The following KIAA1549 variants were observed in gnomAD, a reference collection of about 807,000 sequenced individuals.
KIAA1549 encodes the protein KIAA1549, also known as UPF0606 protein KIAA1549.
In KIAA1549, 70 loss-of-function variants were observed where a neutral mutation model predicts 156.4. That is an observed-to-expected ratio of 0.45 (90% CI 0.37 to 0.55). The LOEUF (loss-of-function observed/expected upper bound fraction) is 0.55, where lower values mean the gene tolerates loss of function less well. Ranked by LOEUF, KIAA1549 falls within the 20% of genes least tolerant of loss-of-function variation. The pLI is 0.00. For missense variants in KIAA1549, 2,428 were observed against 2,540.9 expected, an observed-to-expected ratio of 0.96 and a Z score of 0.96; for synonymous variants, 1,103 against 1,066.4, an observed-to-expected ratio of 1.03 and a Z score of -0.67.
In KIAA1549 at chr7:138,833,455, A is replaced by G. The variant is rs938490695; in HGVS notation, c.*4451T>C. ...AAACGGGAGACTCCTATAGCACAGA[A>G]CCGCGTGCTGGCTTTAGCCCAAAGC... On this transcript the variant is annotated 3_prime_UTR_variant, in exon 20 of 20. Coordinates refer to ENST00000422774, the MANE Select transcript of KIAA1549 (RefSeq NM_001164665.2). 1 of 232,628 alleles carries G rather than the reference A, an allele frequency of 4.3e-6. No homozygotes were observed. Among genetic ancestry groups the G allele is most frequent in the Non-Finnish European group, 8.5e-6 (1 of 117,740 alleles). The allele number at this position is 232,628 out of a possible 1,614,324, so 14.4% of individuals were successfully genotyped here. A position where few individuals can be genotyped will look rare whatever the true frequency, so the allele number is the denominator to read the frequency against.
In KIAA1549 at chr7:138,847,803, G is replaced by A. The variant is rs1436068574; in HGVS notation, c.5295-3329C>T. Among the ~76,000 whole-genome samples the A allele has an allele frequency of 3.3e-4, 50 of 152,202 alleles. 1 individual carries two copies. The highest frequency in any genetic ancestry group is 3.1e-3 in the Admixed American group (48 of 15,288). Reference sequence around the variant, plus strand: ...AAGGAATTACTGGGATTCTGAATGGGATTGCATTGAATCTACAAATCACAT... The same window carrying A: ...AAGGAATTACTGGGATTCTGAATGGAATTGCATTGAATCTACAAATCACAT... On this transcript the variant is annotated intron_variant, in intron 17 of 19. Coordinates refer to ENST00000422774, the MANE Select transcript of KIAA1549 (RefSeq NM_001164665.2).
chr7:138,918,291 C>T lies in KIAA1549; in HGVS notation c.1335G>A (p.Gly445=), dbSNP rs773100687. Residue 445 remains glycine (G), a synonymous_variant, in exon 2 of 20, where the codon GGG becomes GGA. Coordinates refer to ENST00000422774, the MANE Select transcript of KIAA1549 (RefSeq NM_001164665.2). This position sits in a 1 kb window ranked among gnomAD's most constrained non-coding sequence, Gnocchi z 4.2. ...TSLMEKDVGS[G]DGAETLCMTV... Reference sequence around the variant, plus strand: ...TCATGCACAGAGTCTCGGCACCATCCCCTGATCCCACGTCTTTCTCCATGA... The same window carrying T: ...TCATGCACAGAGTCTCGGCACCATCTCCTGATCCCACGTCTTTCTCCATGA... The T allele has an allele frequency of 3.1e-6, 5 of 1,613,886 alleles. No homozygotes were observed. The East Asian group carries it at 1.1e-4, about 36-fold the overall frequency.
At position 138,907,042 on chromosome 7, in the gene KIAA1549, T is replaced by C. The variant is rs779140749; in HGVS notation, c.3337A>G (p.Ile1113Val). 1.2e-6 allele frequency: 2 copies of C among 1,613,364 alleles called. No homozygotes were observed. Among genetic ancestry groups the C allele is most frequent in the South Asian group, 1.1e-5 (1 of 90,984 alleles). Reference protein sequence around the residue: ...VTPRRGPVNIIFAVKSTQGFL... With the variant: ...VTPRRGPVNIVFAVKSTQGFL... ...CCCTGTGTGCTTTTAACCGCAAAGA[T>C]GATATTCACCGGGCCCCGCCGAGGA... The change falls in exon 6 of 20, where the codon ATC becomes GTC. Residue 1113 changes from isoleucine to valine, a missense_variant. By Grantham distance (29) the Ile-to-Val change is conservative (BLOSUM62 3). Transcript: ENST00000422774.
chr7:138,846,548 A>G (rs1053418499), intron 17 of KIAA1549, among the ~76,000 whole-genome samples: 9 of 151,374 alleles, frequency 5.9e-5, no homozygotes, highest in East Asian at 1.9e-4. Flanking sequence ...AAAAAAAAAA[A>G]AAAAAAAAAG....
Position 138,981,213 on chromosome 7 carries a change from G to A in KIAA1549, c.57C>T (p.Ala19=). Residue 19 remains alanine, a synonymous_variant, in exon 1 of 20, where the codon GCC becomes GCT. Coordinates refer to ENST00000422774, the MANE Select transcript of KIAA1549 (RefSeq NM_001164665.2). The surrounding 1 kb of genome is among the most constrained non-coding windows in gnomAD (Gnocchi z 4.5). ...TCGGCCCCGGGGCCAGCGCGACCCCGGCGCGGGGCTTCCCCTCCATGGCCG... is the reference window on the plus strand; with the variant it reads ...TCGGCCCCGGGGCCAGCGCGACCCCAGCGCGGGGCTTCCCCTCCATGGCCG... ...RGAAMEGKPR[A]GVALAPGPSG... is the part of the protein sequence containing the mutation. 9.9e-7 allele frequency: 1 copy of A among 1,012,350 alleles called. No homozygotes were observed. The highest frequency in any genetic ancestry group is 1.2e-6 in the Non-Finnish European group (1 of 848,412). The allele number at this position is 1,012,350 out of a possible 1,614,324, so 62.7% of individuals were successfully genotyped here. A position where few individuals can be genotyped will look rare whatever the true frequency, so the allele number is the denominator to read the frequency against.
chr7:138,919,507 G>C (rs1256037889), intron 1 of KIAA1549, 69 bp from the exon 2 acceptor site: 5 of 1,538,094 alleles, frequency 3.3e-6, no homozygotes, highest in Non-Finnish European at 4.4e-6. Flanking sequence ...TTTGTTTCAG[G>C]CATGAGAATT....
At chr7:138,908,136 T>A (rs1031628864) in intron 5 of KIAA1549, among the ~76,000 whole-genome samples, 1 of 152,130 alleles carries the variant, frequency 6.6e-6, no homozygotes, top group Admixed American at 6.5e-5. Context: ...AACTTGGTTC[T>A]TCATTCCTAA....
At chr7:138,839,654 C>T (rs910922334) in intron 19 of KIAA1549, among the ~76,000 whole-genome samples, 1 of 151,864 alleles carries the variant, frequency 6.6e-6, no homozygotes, top group African/African-American at 2.4e-5. Flanking sequence ...AAGCTAGATG[C>T]TAAAAACTGT....
intron 1 of KIAA1549, among the ~76,000 whole-genome samples, chr7:138,974,405 T>C (rs1359518813): frequency 6.6e-6 from 1 of 151,938 alleles, no homozygotes; most frequent in African/African-American, 2.4e-5. Flanking sequence ...CAGCAGCTAT[T>C]TACCAACTGC....
chr7:138,963,371 T>TA (rs1813911875), intron 1 of KIAA1549, among the ~76,000 whole-genome samples: 1 of 152,198 alleles, frequency 6.6e-6, no homozygotes, highest in African/African-American at 2.4e-5. Flanking sequence ...ACAGCACTGC[T>TA]GGTTTACCCA....
At chr7:138,967,085 T>G (rs187238531) in intron 1 of KIAA1549, among the ~76,000 whole-genome samples, 1 of 152,088 alleles carries the variant, frequency 6.6e-6, no homozygotes, top group African/African-American at 2.4e-5. Flanking sequence ...GAGTAACACA[T>G]GATATCATTA....
intron 8 of KIAA1549, among the ~76,000 whole-genome samples, chr7:138,900,524 C>T (rs1811811922): frequency 1.3e-5 from 2 of 152,316 alleles, no homozygotes; most frequent in South Asian, 4.1e-4. Context: ...GTGATACCCA[C>T]CTTGATTAAA....
rs1259506725 is a variant in KIAA1549, at chr7:138,981,265, G to A, written c.5C>T (p.Pro2Leu). The A allele has an allele frequency of 1.7e-5, 17 of 979,254 alleles. No individual in the cohort carries two copies. The South Asian group carries it at 5.5e-4, about 32-fold the overall frequency. The allele number at this position is 979,254 out of a possible 1,614,324, so 60.7% of individuals were successfully genotyped here. A position where few individuals can be genotyped will look rare whatever the true frequency, so the allele number is the denominator to read the frequency against. Residue 2 changes from proline to leucine, a missense_variant, in exon 1 of 20, where the codon CCG becomes CTG. Physicochemically the swap from Pro to Leu is moderately conservative, Grantham distance 98. This residue lies in a region of KIAA1549 where 893 missense variants were observed against 847.9 expected (regional missense o/e 1.05). Coordinates refer to ENST00000422774, the MANE Select transcript of KIAA1549 (RefSeq NM_001164665.2). This position sits in a 1 kb window ranked among gnomAD's most constrained non-coding sequence, Gnocchi z 4.5. ...GCCTCGGCGTCGGCGCCGCGCCCCC[G>A]GCATTCCCGGCCGGCGCCCCGGCCC... M[P>L]GARRRRRGAA...
chr7:138,885,523 T>C (rs1811365540), intron 10 of KIAA1549, among the ~76,000 whole-genome samples: 1 of 152,166 alleles, frequency 6.6e-6, no homozygotes, highest in Non-Finnish European at 1.5e-5. Flanking sequence ...TGGCTTTCTT[T>C]ACCTGCAGCT....
At chr7:138,849,690 A>G (rs1554409897) in intron 17 of KIAA1549, among the ~76,000 whole-genome samples, 2 of 151,510 alleles carry the variant, frequency 1.3e-5, no homozygotes, top group Non-Finnish European at 2.9e-5. Context: ...CCCAATAGTT[A>G]TTTTTTCTGC....
intron 10 of KIAA1549, among the ~76,000 whole-genome samples, chr7:138,888,387 T>C (rs1454447501): frequency 6.6e-6 from 1 of 152,248 alleles, no homozygotes; most frequent in Non-Finnish European, 1.5e-5. Context: ...GATTGATTAC[T>C]GGATACTGCA....
rs368176243 is a variant in KIAA1549 at position 138,917,890 on chromosome 7, G to A, written c.1736C>T (p.Pro579Leu). 27 of 1,603,062 alleles carry A rather than the reference G, an allele frequency of 1.7e-5. No homozygotes were observed. Among genetic ancestry groups the A allele is most frequent in the Middle Eastern group, 1.6e-4 (1 of 6,078 alleles). Residue 579 changes from proline to leucine, a missense_variant, in exon 2 of 20, where the codon CCG (proline) becomes CTG (leucine). Around this residue, in one of 5 missense-constraint regions of KIAA1549, gnomAD observed 893 missense variants for 847.9 expected, o/e 1.05. Coordinates refer to ENST00000422774, the MANE Select transcript of KIAA1549 (RefSeq NM_001164665.2). ...SFSVIANKNT[P>L]SLAVRDPSVF... ...ACTCGGGTCTCTGACGGCAAGCGACGGTGTGTTTTTGTTTGCTATGACAGA... is the reference window on the plus strand; with the variant it reads ...ACTCGGGTCTCTGACGGCAAGCGACAGTGTGTTTTTGTTTGCTATGACAGA...
intron 1 of KIAA1549, among the ~76,000 whole-genome samples, chr7:138,968,613 C>T (rs1360764419): frequency 2.0e-5 from 3 of 150,600 alleles, no homozygotes; most frequent in Non-Finnish European, 4.4e-5. Context: ...TTTGGGAGGC[C>T]GAGGCGGGCA....
chr7:138,891,872 A>G (rs1376384229), intron 10 of KIAA1549, among the ~76,000 whole-genome samples: 1 of 152,218 alleles, frequency 6.6e-6, no homozygotes, highest in Non-Finnish European at 1.5e-5. Context: ...CTATGGCCAC[A>G]TGACCTTAAA....
Sources: allele counts gnomAD v4.1 joint callset (sites outside exome capture counted in the v4.1 genomes callset), GRCh38; gene constraint gnomAD v4.1.1; regional missense constraint gnomAD v4.1.1; non-coding constraint Gnocchi (gnomAD v3.1); transcripts MANE v1.5; gene names NCBI Gene and HGNC (gene_info 2026-07-23, HGNC 2026-07-21).